SHISA6: variants seen among roughly 807,000 people sequenced by gnomAD.
SHISA6 encodes shisa family member 6.
A neutral mutation model predicts 47.9 loss-of-function variants in SHISA6; 22 were observed. The observed-to-expected ratio is 0.46, with a 90% CI of 0.33 to 0.66. SHISA6 has a LOEUF of 0.66. Among genes scored for constraint, SHISA6 ranks in the 30% least tolerant of loss-of-function variants. The probability of loss-of-function intolerance (pLI) is 0.02; values close to 1 mark genes in which losing one functional copy is unlikely to be tolerated. For synonymous variants in SHISA6, 388 were observed against 337.8 expected, an observed-to-expected ratio of 1.15 and a Z score of -1.63; for missense variants, 680 against 764.6, an observed-to-expected ratio of 0.89 and a Z score of 1.30.
intron 5 of SHISA6, among the ~76,000 whole-genome samples, chr17:11,556,625 C>T (rs549294830): frequency 6.6e-6 from 1 of 152,248 alleles, no homozygotes; most frequent in African/African-American, 2.4e-5. Context: ...GGGTAACCTA[C>T]CCTGACAGAA....
intron 2 of SHISA6, among the ~76,000 whole-genome samples, chr17:11,362,405 A>C (rs1427125724): frequency 6.6e-6 from 1 of 152,198 alleles, no homozygotes; most frequent in East Asian, 1.9e-4. Context: ...CTCCCAAAGC[A>C]TTGAGATTAA....
At chr17:11,438,269 T>C (rs1210111668) in intron 3 of SHISA6, among the ~76,000 whole-genome samples, 4 of 152,238 alleles carry the variant, frequency 2.6e-5, no homozygotes, top group African/African-American at 4.8e-5. Flanking sequence ...ATCCAAACAT[T>C]AAACATCAAA....
intron 2 of SHISA6, among the ~76,000 whole-genome samples, chr17:11,316,838 T>C (rs147095791): frequency 2.0e-5 from 3 of 152,234 alleles, no homozygotes; most frequent in Non-Finnish European, 4.4e-5. Context: ...CTTTGAAATA[T>C]AGCAGGAGTT....
At chr17:11,301,823 G>T (rs111813821) in intron 2 of SHISA6, among the ~76,000 whole-genome samples, 3 of 152,242 alleles carry the variant, frequency 2.0e-5, no homozygotes, top group African/African-American at 7.2e-5. Context: ...CCTTTGCATG[G>T]TTTTGGCTTT....
chr17:11,418,702 G>T (rs1010219436), intron 3 of SHISA6, among the ~76,000 whole-genome samples: 6 of 152,164 alleles, frequency 3.9e-5, no homozygotes, highest in African/African-American at 1.4e-4. Flanking sequence ...GGATAAGACT[G>T]TCCGTCATTT....
At chr17:11,415,887 A>C (rs1914266378) in intron 3 of SHISA6, among the ~76,000 whole-genome samples, 1 of 152,244 alleles carries the variant, frequency 6.6e-6, no homozygotes, top group African/African-American at 2.4e-5. Context: ...GATGGCTTAA[A>C]AAAGACATTA....
At chr17:11,319,074 GTTTTTT>G (rs57696970) in intron 2 of SHISA6, among the ~76,000 whole-genome samples, 1 of 134,094 alleles carries the variant, frequency 7.5e-6, no homozygotes, top group Non-Finnish European at 1.6e-5. Context: ...TTCTTCTTAT[GTTTTTT>G]TTTTTTTTTT....
chr17:11,419,052 T>C (rs1488883529), intron 3 of SHISA6, among the ~76,000 whole-genome samples: 2 of 148,518 alleles, frequency 1.3e-5, no homozygotes, highest in African/African-American at 5.0e-5. Context: ...CATCACACAC[T>C]GGGGACTGTT....
rs1004677591 is a variant in SHISA6 at position 11,475,475 on chromosome 17, A to AT, written c.896-76415dup. 6.6e-5 allele frequency among the ~76,000 whole-genome samples: 10 copies of AT among 152,000 alleles called. No individual in the cohort carries two copies. The East Asian group carries it at 1.7e-3, about 26-fold the overall frequency. ...CCCTTCTATTCCTAGTTTAGTGAGA[A>AT]TTTTTTATCATGAATGTGTTTTTGA... On this transcript the variant is annotated intron_variant, in intron 3 of 5. Coordinates refer to ENST00000441885, the MANE Select transcript of SHISA6 (RefSeq NM_207386.4).
At chr17:11,317,903 G>A (rs941750121) in intron 2 of SHISA6, among the ~76,000 whole-genome samples, 14 of 151,850 alleles carry the variant, frequency 9.2e-5, no homozygotes, top group African/African-American at 2.9e-4. Flanking sequence ...ACAAATATAT[G>A]GGGGTGGTAA....
chr17:11,441,719 C>A (rs1915097317), intron 3 of SHISA6, among the ~76,000 whole-genome samples: 1 of 152,120 alleles, frequency 6.6e-6, no homozygotes, highest in African/African-American at 2.4e-5. Context: ...AGTGTTAGAC[C>A]TTTTTGCCTG....
intron 2 of SHISA6, among the ~76,000 whole-genome samples, chr17:11,334,471 C>T (rs1162896351): frequency 1.3e-5 from 2 of 152,182 alleles, no homozygotes; most frequent in Non-Finnish European, 2.9e-5. Context: ...CTTGGGCATG[C>T]AGGGAGCAGG....
chr17:11,327,905 TTCTCTCTCTCTCTCTGTC>T (rs900954927), intron 2 of SHISA6, among the ~76,000 whole-genome samples: 2 of 151,232 alleles, frequency 1.3e-5, no homozygotes, highest in Admixed American at 6.6e-5. Context: ...CAGAAGCATT[TTCTCTCTCTCTCTCTGTC>T]TCTCTCTCTC....
intron 2 of SHISA6, among the ~76,000 whole-genome samples, chr17:11,351,295 AC>A (rs1911882168): frequency 6.6e-6 from 1 of 152,176 alleles, no homozygotes; most frequent in Non-Finnish European, 1.5e-5. Context: ...GTATCCCAGA[AC>A]TTAAAGTAAA....
chr17:11,344,159 AT>A (rs1462833419), intron 2 of SHISA6, among the ~76,000 whole-genome samples: 3 of 152,016 alleles, frequency 2.0e-5, no homozygotes, highest in African/African-American at 7.2e-5. Flanking sequence ...TCTTTCATCT[AT>A]TTTTTATTTG....
chr17:11,559,353 G>A lies in SHISA6; in HGVS notation c.*1049G>A, dbSNP rs1382687138. 6.6e-6 allele frequency: 1 copy of A among 152,300 alleles called. No homozygotes were observed. The highest frequency in any genetic ancestry group is 2.1e-4 in the South Asian group (1 of 4,830). The allele number at this position is 152,300 out of a possible 1,614,324, so 9.4% of individuals were successfully genotyped here. A position where few individuals can be genotyped will look rare whatever the true frequency, so the allele number is the denominator to read the frequency against. ...CGGGCTCAACATTCGCATCCTGCAG[G>A]GCTCCACCTGTTCCCACATGCACCT... is the stretch of plus-strand genomic sequence containing the variant. On this transcript the variant is annotated 3_prime_UTR_variant, in exon 6 of 6. Transcript: ENST00000441885. This position sits in a 1 kb window ranked among gnomAD's most constrained non-coding sequence, Gnocchi z 4.4.
chr17:11,435,893 GCTTT>G (rs551634611), intron 3 of SHISA6, among the ~76,000 whole-genome samples: 64 of 152,292 alleles, frequency 4.2e-4, no homozygotes, highest in Non-Finnish European at 6.0e-4. Flanking sequence ...CTGATGGATG[GCTTT>G]CTTTTTGTTT....
chr17:11,406,606 G>C (rs1913969973), intron 3 of SHISA6, among the ~76,000 whole-genome samples: 1 of 152,166 alleles, frequency 6.6e-6, no homozygotes, highest in Non-Finnish European at 1.5e-5. Flanking sequence ...CCACTAGACT[G>C]TGAGCTCCTT....
Position 11,386,998 on chromosome 17 carries a change from C to T in SHISA6, c.895+7489C>T, listed in dbSNP as rs141300718. On this transcript the variant is annotated intron_variant, in intron 3 of 5. Transcript: ENST00000441885. ...AAGCTCTGCCAGTCTGGCTTCAAAG[C>T]ATTTTTCACGATAACCTGCAGAACC... Among the ~76,000 whole-genome samples the T allele has an allele frequency of 3.9e-3, 592 of 152,332 alleles. 3 individuals are homozygous for T. Among genetic ancestry groups the T allele is most frequent in the Middle Eastern group, 6.8e-3 (2 of 294 alleles).
Sources: gnomAD v4.1 joint callset for allele counts (sites outside exome capture counted in the v4.1 genomes callset) on GRCh38, gnomAD v4.1.1 for gene constraint, Gnocchi (gnomAD v3.1) non-coding constraint, MANE v1.5 for transcripts, NCBI Gene and HGNC (gene_info 2026-07-23, HGNC 2026-07-21) for gene names.